NIFK: variants seen among roughly 807,000 people sequenced by gnomAD.
NIFK encodes the protein nucleolar protein interacting with the FHA domain of MKI67, also known as MKI67 FHA domain-interacting nucleolar phosphoprotein.
A neutral mutation model predicts 31.7 loss-of-function variants in NIFK; 16 were observed. That is an observed-to-expected ratio of 0.50 (90% CI 0.34 to 0.77). The LOEUF is 0.77. Among genes scored for constraint, NIFK ranks in the 30% least tolerant of loss-of-function variants. NIFK has a pLI of 0.01. For synonymous variants in NIFK, 126 were observed against 123.0 expected (o/e 1.02, Z -0.16); for missense variants, 341 against 350.4 (o/e 0.97, Z 0.21).
Position 121,731,068 on chromosome 2 carries a change from A to C in NIFK, c.389T>G (p.Leu130Arg), listed in dbSNP as rs1242306414. The change falls in exon 4 of 7, where the codon CTC (leucine) becomes CGC (arginine). Residue 130 changes from leucine to arginine, a missense_variant. Physicochemically the swap from Leu to Arg is moderately radical, Grantham distance 102 (BLOSUM62 -2). Transcript: ENST00000285814. The stretch of plus-strand genomic sequence containing the variant: ...AAATGGAATATTCCAGTCTTTAAAG[A>C]GTTCTTTATGTACTTTTTCAGGTGG... Reference protein sequence around the residue: ...FMPPEKVHKELFKDWNIPFKQ... With the variant: ...FMPPEKVHKERFKDWNIPFKQ... 1 of 1,602,846 alleles carries C rather than the reference A, an allele frequency of 6.2e-7. No homozygotes were observed. The highest frequency in any genetic ancestry group is 1.3e-5 in the African/African-American group (1 of 74,176).
At chr2:121,732,444 TAA>T (rs974114577) in intron 2 of NIFK, among the ~76,000 whole-genome samples, 18 of 152,170 alleles carry the variant, frequency 1.2e-4, no homozygotes, top group African/African-American at 4.3e-4. Context: ...TTACATATGA[TAA>T]ATACACAATT....
intron 4 of NIFK, among the ~76,000 whole-genome samples, chr2:121,730,195 G>A (rs1041569721): frequency 2.0e-5 from 3 of 151,906 alleles, no homozygotes; most frequent in Non-Finnish European, 4.4e-5. Flanking sequence ...GCCTGCCTGG[G>A]CAACACAGCA....
intron 2 of NIFK, among the ~76,000 whole-genome samples, chr2:121,733,610 C>T (rs541782793): frequency 7.3e-5 from 11 of 151,358 alleles, no homozygotes; most frequent in South Asian, 2.1e-4. Context: ...ATCCGGGAGG[C>T]GGACATCGCA....
Position 121,731,088 on chromosome 2 carries a change from A to G in NIFK, c.369T>C (p.Pro123=). The G allele has an allele frequency of 6.3e-7, 1 of 1,576,084 alleles. No individual in the cohort carries two copies. Among genetic ancestry groups the G allele is most frequent in the Non-Finnish European group, 8.6e-7 (1 of 1,162,202 alleles). Reference sequence around the variant, plus strand: ...TAAAGAGTTCTTTATGTACTTTTTCAGGTGGCATAAAATGACCTATTTTCA... The same window carrying G: ...TAAAGAGTTCTTTATGTACTTTTTCGGGTGGCATAAAATGACCTATTTTCA... ...ERLLECHFMP[P]EKVHKELFKD... Residue 123 remains proline, a synonymous_variant, in exon 4 of 7, where the codon CCT becomes CCC. Coordinates refer to ENST00000285814, the MANE Select transcript of NIFK (RefSeq NM_032390.5).
Position 121,727,463 on chromosome 2 carries a change from G to T in NIFK, c.*261C>A, listed in dbSNP as rs149701170. 2.9e-5 allele frequency: 18 copies of T among 621,494 alleles called. No homozygotes were observed. In the Admixed American group the frequency reaches 3.8e-4, roughly 13 times the overall value. The allele number at this position is 621,494 out of a possible 1,614,324, so 38.5% of individuals were successfully genotyped here. A position where few individuals can be genotyped will look rare whatever the true frequency, so the allele number is the denominator to read the frequency against. On this transcript the variant is annotated 3_prime_UTR_variant, in exon 7 of 7. Transcript: ENST00000285814. ...ATCCAGGCAGAGTAAACTAAGGAGA[G>T]CTATGAAATATCAAAAGAAAACTAG...
intron 2 of NIFK, 59 bp from the exon 3 acceptor site, chr2:121,732,263 T>A: frequency 1.0e-6 from 1 of 964,822 alleles, no homozygotes; most frequent in Non-Finnish European, 1.7e-6. Context: ...CGTCATCAAA[T>A]TCCTAAAATG....
chr2:121,736,640 A>G (rs2106444486), intron 1 of NIFK, 106 bp downstream of exon 1: 1 of 912,728 alleles, frequency 1.1e-6, no homozygotes, highest in Non-Finnish European at 1.8e-6. Flanking sequence ...AATGAAGGCG[A>G]GCACGAAGGC....
At position 121,735,287 on chromosome 2, in the gene NIFK, T is replaced by TAG. The variant is rs1055439851; in HGVS notation, c.243+325_243+326insCT. On this transcript the variant is annotated intron_variant, in intron 2 of 6. Transcript: ENST00000285814. ...AGTCCAACTCCAGAGTCCTCACCTT[T>TAG]AACTATTCACTATATAAACCTTTGC... Among the ~76,000 whole-genome samples the TAG allele has an allele frequency of 3.9e-5, 6 of 152,312 alleles. No homozygotes were observed. The South Asian group carries it at 8.3e-4, about 21-fold the overall frequency.
chr2:121,728,606 A>G, intron 4 of NIFK, 70 bp from the exon 5 acceptor site: 1 of 837,340 alleles, frequency 1.2e-6, no homozygotes, highest in East Asian at 2.5e-5. Context: ...ATCCTCATAT[A>G]TATTATCAGT....
In NIFK at chr2:121,730,946, ATCTT is replaced by A. The variant is rs764357815; in HGVS notation, c.507_510del (p.Glu169AspfsTer7). The stretch of plus-strand genomic sequence containing the variant: ...TTTTTAGCTAATTTCTTCCTGAGTA[ATCTT>A]TCTTTCTTTTTAAATCGCTCCTCCA... On this transcript the variant is annotated frameshift_variant, in exon 4 of 7. Coordinates refer to ENST00000285814, the MANE Select transcript of NIFK (RefSeq NM_032390.5). LOFTEE classifies it high-confidence loss of function. 12 of 1,613,126 alleles carry A rather than the reference ATCTT, an allele frequency of 7.4e-6. No individual in the cohort carries two copies. The highest frequency in any genetic ancestry group is 2.2e-5 in the South Asian group (2 of 91,044).
intron 2 of NIFK, among the ~76,000 whole-genome samples, chr2:121,732,757 G>T (rs377179320): frequency 6.6e-6 from 1 of 152,272 alleles, no homozygotes; most frequent in African/African-American, 2.4e-5. Context: ...GCCGAGGGTG[G>T]ATCATCTGAG....
In NIFK at chr2:121,727,159, C is replaced by CTAATT; in HGVS notation, c.*560_*564dup. The CTAATT allele has an allele frequency of 4.0e-6, 1 of 248,820 alleles. No individual in the cohort carries two copies. The highest frequency in any genetic ancestry group is 8.1e-6 in the Non-Finnish European group (1 of 123,128). 15.4% of individuals were successfully genotyped at this position (248,820 alleles called of 1,614,324 possible). A position where few individuals can be genotyped will look rare whatever the true frequency, so the allele number is the denominator to read the frequency against. On this transcript the variant is annotated 3_prime_UTR_variant, in exon 7 of 7. Transcript: ENST00000285814. ...TTAATTCATGCTAGCACAACCAAAA[C>CTAATT]TAATTTAACATTATTGGTAAAAATG...
intron 3 of NIFK, 111 bp downstream of exon 3, chr2:121,731,985 C>T: frequency 1.5e-6 from 1 of 683,554 alleles, no homozygotes; most frequent in Admixed American, 2.3e-5. Context: ...TAAGACTCAT[C>T]CCAGAGATGA....
At chr2:121,728,441 A>G (rs758920255) in intron 5 of NIFK, 36 bp downstream of exon 5, 8 of 1,504,590 alleles carry the variant, frequency 5.3e-6, no homozygotes, top group Non-Finnish European at 7.3e-6. Flanking sequence ...ATCCTTCTCT[A>G]ATATCTTGCA....
rs1219994570 is a variant in NIFK, at chr2:121,736,828, G to A, written c.23C>T (p.Ala8Val). ...CGGATTAAGCGACAGGATTGGCCCA[G>A]CCGGGCCAGAAAAAGTCGCCATGCC... is the stretch of plus-strand genomic sequence containing the variant. Reference protein sequence around the residue: MATFSGPAGPILSLNPQE... With the variant: MATFSGPVGPILSLNPQE... The change falls in exon 1 of 7, where the codon GCT becomes GTT. Residue 8 changes from alanine to valine, a missense_variant. Ala to Val is a moderately conservative substitution (Grantham distance 64). Transcript: ENST00000285814. 15 of 1,614,168 alleles carry A rather than the reference G, an allele frequency of 9.3e-6. No homozygotes were observed. Among genetic ancestry groups the A allele is most frequent in the Non-Finnish European group, 1.2e-5 (14 of 1,180,002 alleles).
intron 2 of NIFK, among the ~76,000 whole-genome samples, chr2:121,733,173 G>A (rs1436730376): frequency 6.6e-6 from 1 of 152,128 alleles, no homozygotes; most frequent in Non-Finnish European, 1.5e-5. Context: ...GAGGTCAGGA[G>A]TTCGAGACCA....
At position 121,735,656 on chromosome 2, in the gene NIFK, T is replaced by G. The variant is rs1185135852; in HGVS notation, c.200A>C (p.Gln67Pro). Residue 67 changes from glutamine to proline, a missense_variant, in exon 2 of 7, where the codon CAG (glutamine) becomes CCG (proline). Physicochemically the swap from Gln to Pro is moderately conservative, Grantham distance 76. Transcript: ENST00000285814. The stretch of plus-strand genomic sequence containing the variant: ...CCTGAACCGTGTCACAGTGCCAAAC[T>G]GGGAGAAATATGAAAAGATCTGGGT... The part of the protein sequence containing the change: ...DETQIFSYFS[Q>P]FGTVTRFRLS... The G allele has an allele frequency of 1.9e-6, 3 of 1,612,458 alleles. No homozygotes were observed. Among genetic ancestry groups the G allele is most frequent in the Non-Finnish European group, 1.7e-6 (2 of 1,179,898 alleles).
intron 2 of NIFK, among the ~76,000 whole-genome samples, chr2:121,734,224 A>G (rs983563035): frequency 1.3e-5 from 2 of 152,044 alleles, no homozygotes; most frequent in Non-Finnish European, 2.9e-5. Context: ...TGAATCTGGG[A>G]GGCAGAGGTT....
intron 2 of NIFK, among the ~76,000 whole-genome samples, chr2:121,733,324 G>C (rs1573375259): frequency 6.6e-6 from 1 of 152,182 alleles, no homozygotes; most frequent in African/African-American, 2.4e-5. Flanking sequence ...AAATCATCCT[G>C]ACCAATATGG....
Sources: gnomAD v4.1 joint callset for allele counts (sites outside exome capture counted in the v4.1 genomes callset) on GRCh38, gnomAD v4.1.1 for gene constraint, MANE v1.5 for transcripts, NCBI Gene and HGNC (gene_info 2026-07-23, HGNC 2026-07-21) for gene names.